The following TACR3 variants were observed in gnomAD, a reference collection of about 807,000 sequenced individuals.
TACR3 encodes tachykinin receptor 3.
In TACR3, 34 loss-of-function variants were observed where a neutral mutation model predicts 35.0. The observed-to-expected ratio is 0.97, with a 90% CI of 0.74 to 1.30. The LOEUF (loss-of-function observed/expected upper bound fraction) is 1.30. Ranked by LOEUF, TACR3 falls within the 50% of genes most tolerant of loss-of-function variation. TACR3 has a pLI of 0.00. For synonymous variants in TACR3, 233 were observed against 221.1 expected, an observed-to-expected ratio of 1.05 and a Z score of -0.48; for missense variants, 558 against 591.7, an observed-to-expected ratio of 0.94 and a Z score of 0.59.
chr4:103,682,534 A>T (rs1481772501), intron 1 of TACR3, among the ~76,000 whole-genome samples: 1 of 152,048 alleles, frequency 6.6e-6, no homozygotes, highest in Non-Finnish European at 1.5e-5. Flanking sequence ...AACCACCCCC[A>T]TGATTCAATC....
intron 3 of TACR3, chr4:103,624,528 TGAGTA>T (rs1001357769): frequency 1.1e-4 from 17 of 152,140 alleles, no homozygotes; most frequent in African/African-American, 4.1e-4. Context: ...GAAAATATGC[TGAGTA>T]AAGTATATAG....
At chr4:103,675,244 C>T (rs1726144367) in intron 1 of TACR3, among the ~76,000 whole-genome samples, 1 of 152,148 alleles carries the variant, frequency 6.6e-6, no homozygotes, top group South Asian at 2.1e-4. Context: ...TGCTGTGGCT[C>T]TTTCCTTGCT....
At chr4:103,641,275 A>T (rs1049367059) in intron 3 of TACR3, among the ~76,000 whole-genome samples, 1 of 151,954 alleles carries the variant, frequency 6.6e-6, no homozygotes, top group African/African-American at 2.4e-5. Context: ...TTTTTAAAAA[A>T]ATTCCAGTAC....
At chr4:103,620,723 C>T (rs1724756472) in intron 3 of TACR3, among the ~76,000 whole-genome samples, 1 of 151,374 alleles carries the variant, frequency 6.6e-6, no homozygotes, top group Non-Finnish European at 1.5e-5. Context: ...AATATGGGAA[C>T]AATACACATC....
At chr4:103,713,414 T>A (rs974099042) in intron 1 of TACR3, among the ~76,000 whole-genome samples, 1 of 134,446 alleles carries the variant, frequency 7.4e-6, no homozygotes, top group Non-Finnish European at 1.5e-5. Flanking sequence ...TAGGTGGGAA[T>A]TGAACAATGA....
At chr4:103,680,584 T>C (rs1168525700) in intron 1 of TACR3, among the ~76,000 whole-genome samples, 1 of 150,674 alleles carries the variant, frequency 6.6e-6, no homozygotes, top group Admixed American at 6.7e-5. Context: ...TTTCTCATTA[T>C]TGTCAAGTGA....
chr4:103,679,636 A>C (rs1726244923), intron 1 of TACR3, among the ~76,000 whole-genome samples: 1 of 151,902 alleles, frequency 6.6e-6, no homozygotes, highest in Non-Finnish European at 1.5e-5. Context: ...GAATCCTTTT[A>C]ATTGAGCTCT....
Position 103,719,696 on chromosome 4 carries a change from G to C in TACR3, c.-21C>G, listed in dbSNP as rs750676224. 8 of 1,605,002 alleles carry C rather than the reference G, an allele frequency of 5.0e-6. No homozygotes were observed. The highest frequency in any genetic ancestry group is 1.7e-5 in the Admixed American group (1 of 60,000). On this transcript the variant is annotated 5_prime_UTR_variant, in exon 1 of 5. Transcript: ENST00000304883. The stretch of plus-strand genomic sequence containing the variant: ...GCCATCGCCACCGGTCTGCAGTCCC[G>C]GACCCTCCCACTCACCCACGGGCAG...
At chr4:103,626,729 G>A (rs1005650580) in intron 3 of TACR3, among the ~76,000 whole-genome samples, 1 of 152,140 alleles carries the variant, frequency 6.6e-6, no homozygotes, top group Non-Finnish European at 1.5e-5. Context: ...GTTGTTTTCA[G>A]TATAGTTTAA....
chr4:103,701,643 C>T (rs1254639205), intron 1 of TACR3, among the ~76,000 whole-genome samples: 7 of 152,152 alleles, frequency 4.6e-5, no homozygotes, highest in Admixed American at 6.6e-5. Flanking sequence ...TACCTGACTT[C>T]GAACTATACT....
rs540516913 is a variant in TACR3, at chr4:103,718,792, T to C, written c.548+336A>G. On this transcript the variant is annotated intron_variant, in intron 1 of 4. Transcript: ENST00000304883. ...GACATAAATTTTGTTCAAAAGTCATTTGAGAAAGTTTGCTGGTACTTAAAC... is the reference window on the plus strand; with the variant it reads ...GACATAAATTTTGTTCAAAAGTCATCTGAGAAAGTTTGCTGGTACTTAAAC... Among the ~76,000 whole-genome samples the C allele has an allele frequency of 5.3e-5, 8 of 152,344 alleles. No individual in the cohort carries two copies. The South Asian group carries it at 8.3e-4, about 16-fold the overall frequency.
At chr4:103,707,394 A>G (rs1464781741) in intron 1 of TACR3, among the ~76,000 whole-genome samples, 1 of 152,236 alleles carries the variant, frequency 6.6e-6, no homozygotes, top group Non-Finnish European at 1.5e-5. Flanking sequence ...TCATATATAT[A>G]ACAACCTGGT....
chr4:103,680,861 T>C lies in TACR3; in HGVS notation c.549-22458A>G, dbSNP rs17033998. ...GGCTATTAGGAAATTGAACATTATTTTGATAGCTATGTTTCTACATCTACC... is the reference window on the plus strand; with the variant it reads ...GGCTATTAGGAAATTGAACATTATTCTGATAGCTATGTTTCTACATCTACC... On this transcript the variant is annotated intron_variant, in intron 1 of 4. Transcript: ENST00000304883. 8.1e-3 allele frequency among the ~76,000 whole-genome samples: 1,235 copies of C among 152,004 alleles called. 20 individuals are homozygous for C. Among genetic ancestry groups the C allele is most frequent in the African/African-American group, 0.028 (1,182 of 41,528 alleles).
At chr4:103,717,340 ACT>A (rs1346945741) in intron 1 of TACR3, among the ~76,000 whole-genome samples, 3 of 152,028 alleles carry the variant, frequency 2.0e-5, no homozygotes, top group African/African-American at 7.2e-5. Flanking sequence ...CATATTGTAT[ACT>A]CTAAATTTGT....
chr4:103,697,110 G>A (rs73835399), intron 1 of TACR3, among the ~76,000 whole-genome samples: 3,191 of 152,180 alleles, frequency 0.021, 107 homozygotes, highest in African/African-American at 0.073. Context: ...TGGCATGTGA[G>A]TTTAACACTG....
At chr4:103,651,870 G>A (rs1725625990) in intron 3 of TACR3, among the ~76,000 whole-genome samples, 1 of 151,964 alleles carries the variant, frequency 6.6e-6, no homozygotes, top group Non-Finnish European at 1.5e-5. Flanking sequence ...TCCAGGTTGT[G>A]TCTAGAAATG....
At chr4:103,680,880 A>G (rs1578254969) in intron 1 of TACR3, among the ~76,000 whole-genome samples, 1 of 151,912 alleles carries the variant, frequency 6.6e-6, no homozygotes, top group East Asian at 1.9e-4. Flanking sequence ...ATGTTTCTAC[A>G]TCTACCTCTT....
intron 3 of TACR3, among the ~76,000 whole-genome samples, chr4:103,602,179 G>C (rs186921445): frequency 6.6e-6 from 1 of 151,818 alleles, no homozygotes; most frequent in African/African-American, 2.4e-5. Flanking sequence ...TGATCGCATC[G>C]GCTACTGAGG....
intron 1 of TACR3, among the ~76,000 whole-genome samples, chr4:103,691,117 C>A (rs1722393900): frequency 6.6e-6 from 1 of 152,066 alleles, no homozygotes; most frequent in Non-Finnish European, 1.5e-5. Flanking sequence ...TATTTTCTTG[C>A]CCTAGAGAAA....
Sources: gnomAD v4.1 joint callset for allele counts (sites outside exome capture counted in the v4.1 genomes callset) on GRCh38, gnomAD v4.1.1 for gene constraint, MANE v1.5 for transcripts, NCBI Gene and HGNC (gene_info 2026-07-23, HGNC 2026-07-21) for gene names.